Variants in ZNF518A observed in about 807,000 individuals in gnomAD.
The protein encoded by ZNF518A is zinc finger protein 518A, also known as zinc finger protein 518.
Under a neutral mutation model 102.7 loss-of-function variants are expected in ZNF518A, and 47 were observed. The observed-to-expected ratio is 0.46, with a 90% CI of 0.36 to 0.58. The LOEUF (loss-of-function observed/expected upper bound fraction) is 0.58, where lower values mean the gene tolerates loss of function less well. ZNF518A is among the 20% of genes least tolerant of loss of function. The probability of loss-of-function intolerance (pLI) is 0.00; values close to 1 mark genes in which losing one functional copy is unlikely to be tolerated. For missense variants in ZNF518A, 1,793 were observed against 1,699.8 expected (o/e 1.05, Z -0.96); for synonymous variants, 652 against 594.6 (o/e 1.10, Z -1.40).
intron 3 of ZNF518A, among the ~76,000 whole-genome samples, chr10:96,146,677 C>G (rs1554878634): frequency 6.6e-6 from 1 of 152,188 alleles, no homozygotes; most frequent in Non-Finnish European, 1.5e-5. Context: ...CAAATATCTG[C>G]ATACCAACTA....
At chr10:96,186,821 C>T (rs113744228) in intron 1 of ZNF518A, among the ~76,000 whole-genome samples, 23 of 152,316 alleles carry the variant, frequency 1.5e-4, no homozygotes, top group African/African-American at 3.9e-4. Context: ...AAATAACTTG[C>T]GCTAAACCAT....
rs781837326 is a variant in ZNF518A, at chr10:96,145,472, TTAAA to T, written c.-301-9849_-301-9846del. Among the ~76,000 whole-genome samples the T allele has an allele frequency of 2.0e-5, 3 of 152,256 alleles. No individual in the cohort carries two copies. The South Asian group carries it at 6.2e-4, about 31-fold the overall frequency. On this transcript the variant is annotated intron_variant, in intron 3 of 5. Coordinates refer to ENST00000316045, the MANE Select transcript of ZNF518A (RefSeq NM_001330736.2). Reference sequence around the variant, plus strand: ...AGCCTCATTCCTCACAAATTAATTGTTAAATAAACCGACTAAAAACACTTCTCTT... The same window carrying T: ...AGCCTCATTCCTCACAAATTAATTGTTAAACCGACTAAAAACACTTCTCTT...
At chr10:96,170,110 G>A (rs1554890744) in intron 1 of ZNF518A, among the ~76,000 whole-genome samples, 1 of 152,156 alleles carries the variant, frequency 6.6e-6, no homozygotes, top group African/African-American at 2.4e-5. Context: ...TCTTTTCTAA[G>A]CACACGTACA....
rs782128750 is a variant in ZNF518A at position 96,162,026 on chromosome 10, C to T, written c.*1252C>T. Reference sequence around the variant, plus strand: ...AAGTTTGGATCAAATTTTGCTGGTTCTTTGGATAATGGAGTTCTTGTGTTA... The same window carrying T: ...AAGTTTGGATCAAATTTTGCTGGTTTTTTGGATAATGGAGTTCTTGTGTTA... On this transcript the variant is annotated 3_prime_UTR_variant, in exon 6 of 6. Coordinates refer to ENST00000316045, the MANE Select transcript of ZNF518A (RefSeq NM_001330736.2). 6.0e-6 allele frequency: 1 copy of T among 166,860 alleles called. No individual in the cohort carries two copies. The highest frequency in any genetic ancestry group is 1.5e-5 in the Non-Finnish European group (1 of 68,000). The allele number at this position is 166,860 out of a possible 1,614,324, so 10.3% of individuals were successfully genotyped here.
rs2083607376 is a variant in ZNF518A, at chr10:96,200,632, C to T, written n.36-2942C>T. Among the ~76,000 whole-genome samples, 1 of 152,254 alleles carries T rather than the reference C, an allele frequency of 6.6e-6. No homozygotes were observed. Among genetic ancestry groups the T allele is most frequent in the African/African-American group, 2.4e-5 (1 of 41,464 alleles). On this transcript the variant is annotated intron_variant and non_coding_transcript_variant, in intron 1 of 2. Transcript: ENST00000442635. This position sits in a 1 kb window ranked among gnomAD's most constrained non-coding sequence, Gnocchi z 4.3. ...CCCAAGGGCACACAGAGTCCTTTCT[C>T]TGTCCCTTTATAAACTGTGCTGTCT...
In ZNF518A at chr10:96,157,108, C is replaced by T. The variant is rs371258558; in HGVS notation, c.786C>T (p.Phe262=). 41 of 1,613,666 alleles carry T rather than the reference C, an allele frequency of 2.5e-5. No homozygotes were observed. The highest frequency in any genetic ancestry group is 3.1e-5 in the Non-Finnish European group (36 of 1,179,786). Residue 262 remains phenylalanine, a synonymous_variant, in exon 6 of 6, where the codon TTC becomes TTT. Coordinates refer to ENST00000316045, the MANE Select transcript of ZNF518A (RefSeq NM_001330736.2). ...HLHIHSGTFP[F]TCQYCSYGAT... The stretch of plus-strand genomic sequence containing the variant: ...ATATTCATTCTGGTACTTTTCCCTT[C>T]ACTTGTCAATATTGTAGCTATGGTG...
chr10:96,179,852 T>C (rs57711107), intron 1 of ZNF518A, among the ~76,000 whole-genome samples: 5 of 137,918 alleles, frequency 3.6e-5, no homozygotes, highest in South Asian at 2.5e-4. Flanking sequence ...CCTTCTTCTT[T>C]TCTTCTTTTT....
chr10:96,180,969 A>C (rs1362097094), intron 1 of ZNF518A, among the ~76,000 whole-genome samples: 3 of 152,194 alleles, frequency 2.0e-5, no homozygotes, highest in African/African-American at 7.2e-5. Flanking sequence ...CAACAGTGTA[A>C]AAGTGTTCCT....
At chr10:96,175,126 A>G (rs956466591) in intron 1 of ZNF518A, among the ~76,000 whole-genome samples, 1 of 152,188 alleles carries the variant, frequency 6.6e-6, no homozygotes, top group African/African-American at 2.4e-5. Flanking sequence ...CACTCAGTCT[A>G]TGATATTTTT....
chr10:96,165,568 A>C (rs1355228337), downstream of ZNF518A, among the ~76,000 whole-genome samples: 1 of 151,724 alleles, frequency 6.6e-6, no homozygotes, highest in African/African-American at 2.4e-5. Flanking sequence ...ATACCTGCTT[A>C]GCAGATTACA....
chr10:96,165,246 T>G (rs1245513077), downstream of ZNF518A, among the ~76,000 whole-genome samples: 1 of 152,152 alleles, frequency 6.6e-6, no homozygotes, highest in Non-Finnish European at 1.5e-5. Flanking sequence ...GTAGTGGGAT[T>G]ACAGGTGCCC....
rs943993038 is a variant in ZNF518A, at chr10:96,162,488, A to G, written c.*1714A>G. 6.0e-6 allele frequency: 1 copy of G among 166,958 alleles called. No individual in the cohort carries two copies. Among genetic ancestry groups the G allele is most frequent in the African/African-American group, 2.4e-5 (1 of 41,464 alleles). 10.3% of individuals were successfully genotyped at this position (166,958 alleles called of 1,614,324 possible). Reference sequence around the variant, plus strand: ...GTTTTATTTTTAAAGAAAGCCATACATAGAATGCTTCAAGCTATCTTGCTA... The same window carrying G: ...GTTTTATTTTTAAAGAAAGCCATACGTAGAATGCTTCAAGCTATCTTGCTA... On this transcript the variant is annotated 3_prime_UTR_variant, in exon 6 of 6. Coordinates refer to ENST00000316045, the MANE Select transcript of ZNF518A (RefSeq NM_001330736.2).
At chr10:96,187,793 C>G (rs1269163128) in intron 1 of ZNF518A, among the ~76,000 whole-genome samples, 1 of 152,186 alleles carries the variant, frequency 6.6e-6, no homozygotes, top group Non-Finnish European at 1.5e-5. Context: ...TTATGCAAAA[C>G]CATTTGTTTG....
intron 3 of ZNF518A, among the ~76,000 whole-genome samples, chr10:96,135,781 G>A (rs1311327472): frequency 7.2e-5 from 11 of 152,204 alleles, no homozygotes; most frequent in African/African-American, 2.7e-4. Context: ...AGTGCTTCTA[G>A]TTAGGAATTC....
intron 1 of ZNF518A, among the ~76,000 whole-genome samples, chr10:96,176,432 C>CA (rs2083204977): frequency 6.6e-6 from 1 of 152,166 alleles, no homozygotes; most frequent in South Asian, 2.1e-4. Flanking sequence ...CAAGAAGCTA[C>CA]ATGAAGCCCA....
intron 1 of ZNF518A, among the ~76,000 whole-genome samples, chr10:96,180,036 G>A (rs10882738): frequency 0.31 from 46,555 of 151,502 alleles, 8,253 homozygotes; most frequent in East Asian, 0.67. Context: ...CTGCCATCAC[G>A]CCTGGCTGAT....
rs782358104 is a variant in ZNF518A, at chr10:96,157,159, A to G, written c.837A>G (p.Arg279=). The part of the protein sequence containing the change: ...YGATRREHLV[R]HVITLHKEHL... ...CCACCAGGAGAGAACACCTTGTAAG[A>G]CATGTTATAACTTTGCACAAAGAAC... The change falls in exon 6 of 6, where the codon AGA becomes AGG. Residue 279 remains arginine (R), a synonymous_variant. Coordinates refer to ENST00000316045, the MANE Select transcript of ZNF518A (RefSeq NM_001330736.2). 27 of 1,613,382 alleles carry G rather than the reference A, an allele frequency of 1.7e-5. No individual in the cohort carries two copies. The highest frequency in any genetic ancestry group is 2.1e-5 in the Non-Finnish European group (25 of 1,179,676).
At chr10:96,143,892 A>G (rs2082052576) in intron 3 of ZNF518A, among the ~76,000 whole-genome samples, 2 of 152,240 alleles carry the variant, frequency 1.3e-5, no homozygotes, top group African/African-American at 4.8e-5. Flanking sequence ...CTGTGCTTAT[A>G]CGCACATATG....
At chr10:96,179,909 C>T (rs587774310) in intron 1 of ZNF518A, among the ~76,000 whole-genome samples, 48 of 135,664 alleles carry the variant, frequency 3.5e-4, no homozygotes, top group South Asian at 2.6e-3. Context: ...CATGGAGTCT[C>T]GCTCTCTAGC....
Sources: allele counts gnomAD v4.1 joint callset (sites outside exome capture counted in the v4.1 genomes callset), GRCh38; gene constraint gnomAD v4.1.1; non-coding constraint Gnocchi (gnomAD v3.1); transcripts MANE v1.5; gene names NCBI Gene and HGNC (gene_info 2026-07-23, HGNC 2026-07-21).